Variants in RTL4 observed in about 807,000 individuals in gnomAD.
RTL4 encodes the protein retrotransposon Gag-like protein 4.
In RTL4, 4 loss-of-function variants were observed where a neutral mutation model predicts 5.3. The observed-to-expected ratio is 0.75, with a 90% confidence interval of 0.37 to 1.72. The LOEUF (loss-of-function observed/expected upper bound fraction) is 1.72, where lower values mean the gene tolerates loss of function less well. Ranked by LOEUF, RTL4 falls within the 40% of genes most tolerant of loss-of-function variation. The pLI, the probability that RTL4 is intolerant of heterozygous loss-of-function variation, is 0.04. For synonymous variants in RTL4, 98 were observed against 87.3 expected (o/e 1.12, Z -0.68); for missense variants, 260 against 227.1 (o/e 1.14, Z -0.93).
At chrX:112,273,638 G>T in the RTL4 span, among the ~76,000 whole-genome samples, 5 of 111,722 alleles carry the variant, frequency 4.5e-5, no homozygotes, top group Non-Finnish European at 9.4e-5. Context: ...TCCATCATTT[G>T]TTGAAAGTGG....
At chrX:112,395,450 T>A in the RTL4 span, among the ~76,000 whole-genome samples, 4 of 111,020 alleles carry the variant, frequency 3.6e-5, no homozygotes, top group Non-Finnish European at 7.5e-5. Flanking sequence ...ACTTAAAAAA[T>A]TTAAAACTAA....
chrX:112,306,226 C>T, the RTL4 span, among the ~76,000 whole-genome samples: 3 of 111,128 alleles, frequency 2.7e-5, no homozygotes, highest in South Asian at 1.2e-3. Context: ...CATTGCCCTG[C>T]TTAATGAATA....
chrX:112,243,464 A>G, the RTL4 span, among the ~76,000 whole-genome samples: 1 of 110,733 alleles, frequency 9.0e-6, no homozygotes, highest in Non-Finnish European at 1.9e-5. Context: ...TTTCTTCTAG[A>G]TTTTCTAGTA....
the RTL4 span, among the ~76,000 whole-genome samples, chrX:112,201,973 T>TGTGTGTGTGTGTGTGTG: frequency 9.7e-6 from 1 of 103,400 alleles, no homozygotes; most frequent in Non-Finnish European, 2.0e-5. Context: ...TTGTGTGTGT[T>TGTGTGTGTGTGTGTGTG]TGTGTGTGTG....
At chrX:112,207,761 C>A in the RTL4 span, among the ~76,000 whole-genome samples, 1 of 108,881 alleles carries the variant, frequency 9.2e-6, no homozygotes, top group Non-Finnish European at 1.9e-5. Context: ...GTCAGTCTTT[C>A]TCTTTAAAAC....
At chrX:112,283,440 A>G in the RTL4 span, among the ~76,000 whole-genome samples, 3 of 111,891 alleles carry the variant, frequency 2.7e-5, no homozygotes, top group African/African-American at 9.7e-5. Context: ...TAAAGAGGCA[A>G]CAAAGACTAT....
the RTL4 span, among the ~76,000 whole-genome samples, chrX:112,303,654 G>T: frequency 3.2e-5 from 3 of 92,752 alleles, no homozygotes; most frequent in African/African-American, 1.3e-4. Context: ...TATACCTAAT[G>T]CTAAATGATG....
chrX:112,382,934 T>C, the RTL4 span, among the ~76,000 whole-genome samples: 1 of 111,966 alleles, frequency 8.9e-6, no homozygotes, highest in Non-Finnish European at 1.9e-5. Context: ...ACCTGTAGCA[T>C]TGAGGTGACT....
At chrX:112,252,256 C>T in the RTL4 span, among the ~76,000 whole-genome samples, 1 of 112,253 alleles carries the variant, frequency 8.9e-6, no homozygotes, top group African/African-American at 3.2e-5. Flanking sequence ...AAAGAAAAAG[C>T]TTTCTCCCAA....
the RTL4 span, among the ~76,000 whole-genome samples, chrX:112,341,992 GGTATTT>G: frequency 9.0e-6 from 1 of 111,199 alleles, no homozygotes; most frequent in African/African-American, 3.3e-5. Flanking sequence ...TTCTCCAGAG[GGTATTT>G]GCATTTTAAG....
the RTL4 span, among the ~76,000 whole-genome samples, chrX:112,285,788 T>G: frequency 0.02 from 2,206 of 111,233 alleles, 55 homozygotes; most frequent in African/African-American, 0.066. Flanking sequence ...GATTGTACTA[T>G]GTAGCTTCTT....
the RTL4 span, among the ~76,000 whole-genome samples, chrX:112,424,509 T>G: frequency 9.0e-6 from 1 of 111,161 alleles, no homozygotes; most frequent in African/African-American, 3.3e-5. Context: ...CTTCTTGGAT[T>G]AGTACCCAAG....
chrX:112,317,847 T>A, the RTL4 span, among the ~76,000 whole-genome samples: 2 of 111,714 alleles, frequency 1.8e-5, no homozygotes, highest in Non-Finnish European at 3.8e-5. Flanking sequence ...GTCTGTCTGA[T>A]TCCAAAGCTT....
chrX:112,388,401 A>G, the RTL4 span, among the ~76,000 whole-genome samples: 2 of 111,962 alleles, frequency 1.8e-5, no homozygotes, highest in African/African-American at 6.5e-5. Context: ...AATGCCCTCT[A>G]TTGTTTTATC....
At chrX:112,332,324 A>G in the RTL4 span, among the ~76,000 whole-genome samples, 2 of 110,579 alleles carry the variant, frequency 1.8e-5, no homozygotes, top group Non-Finnish European at 3.8e-5. Flanking sequence ...CAGCCATCCC[A>G]TTACTGGGTA....
the RTL4 span, among the ~76,000 whole-genome samples, chrX:112,192,071 T>A: frequency 1.1e-5 from 1 of 91,768 alleles, no homozygotes; most frequent in Non-Finnish European, 2.1e-5. Context: ...AGAGAAATAC[T>A]AGGGTTTTTT....
exon 1 of RTL4, chrX:112,456,258 T>C: frequency 3.2e-6 from 1 of 308,179 alleles, no homozygotes; most frequent in Non-Finnish European, 5.9e-6. Context: ...CACCCTTCCA[T>C]AGAGCTATAT....
chrX:112,300,573 A>G, the RTL4 span, among the ~76,000 whole-genome samples: 1 of 112,457 alleles, frequency 8.9e-6, no homozygotes, highest in African/African-American at 3.2e-5. Context: ...AAGGATGTTC[A>G]CTAAACTGTT....
the RTL4 span, among the ~76,000 whole-genome samples, chrX:112,327,462 A>G: frequency 1.8e-5 from 2 of 110,430 alleles, no homozygotes; most frequent in African/African-American, 6.6e-5. Context: ...GAGAAAAAAG[A>G]ATAAAAAGAA....
Sources: allele counts gnomAD v4.1 joint callset (sites outside exome capture counted in the v4.1 genomes callset), GRCh38; gene constraint gnomAD v4.1.1; transcripts MANE v1.5; gene names NCBI Gene and HGNC (gene_info 2026-07-23, HGNC 2026-07-21).